CSGALNACT1: variants seen among roughly 807,000 people sequenced by gnomAD.
The protein encoded by CSGALNACT1 is beta4GalNAcT-1.
In CSGALNACT1, 52 loss-of-function variants were observed where a neutral mutation model predicts 51.0. That is an observed-to-expected ratio of 1.02 (90% CI 0.82 to 1.29). CSGALNACT1 has a LOEUF of 1.29. Among genes scored for constraint, CSGALNACT1 ranks in the 50% most tolerant of loss-of-function variants. The probability of loss-of-function intolerance (pLI) is 0.00; values close to 1 mark genes in which losing one functional copy is unlikely to be tolerated. For missense variants in CSGALNACT1, 935 were observed against 679.2 expected (o/e 1.38, Z -4.19); for synonymous variants, 341 against 254.4 (o/e 1.34, Z -3.24).
At chr8:19,621,174 TAAG>T (rs2053777058) in intron 1 of CSGALNACT1, among the ~76,000 whole-genome samples, 1 of 152,178 alleles carries the variant, frequency 6.6e-6, no homozygotes. Context: ...CTAGGATTCT[TAAG>T]AAAGTCAGTT....
chr8:19,682,658 C>A (rs1378395224), upstream of CSGALNACT1: 1 of 453,956 alleles, frequency 2.2e-6, no homozygotes, highest in Non-Finnish European at 4.4e-6. Flanking sequence ...CAGCCAAAAC[C>A]ACAAGGAAGC....
exon 10 of CSGALNACT1, chr8:19,405,965 G>T (rs375826708): frequency 1.2e-6 from 2 of 1,614,198 alleles, no homozygotes; most frequent in Non-Finnish European, 1.7e-6. Flanking sequence ...AGGTGGAAGA[G>T]TCCTCGCACA....
At chr8:19,616,403 G>GA (rs201364946) in intron 1 of CSGALNACT1, among the ~76,000 whole-genome samples, 100 of 151,404 alleles carry the variant, frequency 6.6e-4, no homozygotes, top group South Asian at 2.5e-3. Context: ...AGGGGTCATA[G>GA]AAAAAAAAAT....
intron 1 of CSGALNACT1, among the ~76,000 whole-genome samples, chr8:19,669,427 C>T (rs993479324): frequency 6.6e-6 from 1 of 152,000 alleles, no homozygotes; most frequent in African/African-American, 2.4e-5. Context: ...AACTGTAAAC[C>T]GTTTCTAATT....
chr8:19,621,308 C>T (rs2053796150), intron 1 of CSGALNACT1, among the ~76,000 whole-genome samples: 1 of 152,064 alleles, frequency 6.6e-6, no homozygotes, highest in Admixed American at 6.6e-5. Flanking sequence ...GAATTTTGTA[C>T]ACAAGTTTAT....
chr8:19,635,960 C>T (rs368148267), intron 1 of CSGALNACT1, among the ~76,000 whole-genome samples: 1 of 152,174 alleles, frequency 6.6e-6, no homozygotes, highest in Non-Finnish European at 1.5e-5. Context: ...GAACTCCTGA[C>T]CTCAGATGAT....
chr8:19,756,287 G>A (rs1408781967), intron 1 of CSGALNACT1, among the ~76,000 whole-genome samples: 3 of 151,744 alleles, frequency 2.0e-5, no homozygotes, highest in East Asian at 1.9e-4. Context: ...ATCTAATGAC[G>A]TTAAGTAAAA....
chr8:19,666,811 G>GAAAGAA (rs35734602), intron 1 of CSGALNACT1, among the ~76,000 whole-genome samples: 942 of 26,264 alleles, frequency 0.036, 35 homozygotes, highest in Admixed American at 0.042. Flanking sequence ...AAGAAAGAAA[G>GAAAGAA]AGAGAGAGAG....
chr8:19,678,345 G>A (rs2060349272), intron 1 of CSGALNACT1, among the ~76,000 whole-genome samples: 1 of 152,102 alleles, frequency 6.6e-6, no homozygotes, highest in African/African-American at 2.4e-5. Flanking sequence ...TTCGGATTGG[G>A]ACTCCAGACT....
At chr8:19,681,522 C>A (rs1185164671) in intron 1 of CSGALNACT1, among the ~76,000 whole-genome samples, 3 of 152,198 alleles carry the variant, frequency 2.0e-5, no homozygotes, top group Non-Finnish European at 2.9e-5. Context: ...AGATACAAGA[C>A]AAGTCTCCTG....
At chr8:19,475,790 A>T (rs1430905387) in intron 4 of CSGALNACT1, among the ~76,000 whole-genome samples, 1 of 152,248 alleles carries the variant, frequency 6.6e-6, no homozygotes, top group East Asian at 1.9e-4. Flanking sequence ...GTGGCAAGTC[A>T]TAGAGTGACA....
chr8:19,530,309 CAT>C (rs371261783), intron 3 of CSGALNACT1, among the ~76,000 whole-genome samples: 4,247 of 60,406 alleles, frequency 0.07, 152 homozygotes, highest in African/African-American at 0.2. Flanking sequence ...AATGTGTACA[CAT>C]ACACACACAC....
chr8:19,634,155 T>G (rs878918860), intron 1 of CSGALNACT1, among the ~76,000 whole-genome samples: 3 of 152,262 alleles, frequency 2.0e-5, no homozygotes, highest in Admixed American at 2.0e-4. Context: ...ACGTCATATT[T>G]GTTCATTTTG....
chr8:19,680,426 G>A (rs986992498), intron 1 of CSGALNACT1, among the ~76,000 whole-genome samples: 5 of 151,774 alleles, frequency 3.3e-5, no homozygotes, highest in Admixed American at 2.6e-4. Flanking sequence ...TGTGGTGGCG[G>A]GTGCCTGTAA....
chr8:19,573,822 C>T (rs562876670), intron 3 of CSGALNACT1, among the ~76,000 whole-genome samples: 42 of 152,234 alleles, frequency 2.8e-4, no homozygotes, highest in Admixed American at 9.2e-4. Context: ...CTGCTAGCTC[C>T]CTCAAGGTGC....
At chr8:19,586,001 A>G (rs975536784) in intron 3 of CSGALNACT1, among the ~76,000 whole-genome samples, 1 of 152,196 alleles carries the variant, frequency 6.6e-6, no homozygotes, top group Non-Finnish European at 1.5e-5. Context: ...CAGAGTCCCC[A>G]TATCACCTCA....
At chr8:19,693,829 T>C (rs1314532264) in intron 1 of CSGALNACT1, among the ~76,000 whole-genome samples, 1 of 152,174 alleles carries the variant, frequency 6.6e-6, no homozygotes, top group African/African-American at 2.4e-5. Context: ...TCGGTAACTA[T>C]TAGGTTGGTG....
intron 6 of CSGALNACT1, among the ~76,000 whole-genome samples, chr8:19,434,414 T>C (rs940799899): frequency 4.6e-5 from 7 of 152,326 alleles, no homozygotes; most frequent in Middle Eastern, 3.4e-3. Context: ...ATTTGCTTTT[T>C]TTCTCTCTCT....
chr8:19,749,142 T>C (rs938884257), intron 1 of CSGALNACT1, among the ~76,000 whole-genome samples: 2 of 152,110 alleles, frequency 1.3e-5, no homozygotes, highest in Admixed American at 1.3e-4. Context: ...GATACTAATA[T>C]TCCCAAGAAC....
Sources: gnomAD v4.1 joint callset for allele counts (sites outside exome capture counted in the v4.1 genomes callset) on GRCh38, gnomAD v4.1.1 for gene constraint, MANE v1.5 for transcripts, NCBI Gene and HGNC (gene_info 2026-07-23, HGNC 2026-07-21) for gene names.